Variants in ACOX3 observed in about 807,000 individuals in gnomAD.
ACOX3 encodes the protein acyl-CoA oxidase 3, pristanoyl.
A neutral mutation model predicts 81.5 loss-of-function variants in ACOX3; 73 were observed. The observed-to-expected ratio is 0.90, with a 90% CI of 0.74 to 1.09. The LOEUF is 1.09. Ranked by LOEUF, ACOX3 falls within the 50% of genes least tolerant of loss-of-function variation. The pLI, the probability that ACOX3 is intolerant of heterozygous loss-of-function variation, is 0.00. For missense variants in ACOX3, 947 were observed against 928.0 expected (o/e 1.02, Z -0.27); for synonymous variants, 387 against 375.1 (o/e 1.03, Z -0.37).
chr4:8,373,249 A>G (rs186149443), intron 16 of ACOX3, among the ~76,000 whole-genome samples: 45 of 152,038 alleles, frequency 3.0e-4, no homozygotes, highest in African/African-American at 1.1e-3. Flanking sequence ...TGATGTAGCC[A>G]TATTTTCTTG....
Position 8,375,025 on chromosome 4 carries a change from A to G in ACOX3, c.1781T>C (p.Leu594Pro). Residue 594 changes from leucine (L) to proline (P), a missense_variant, in exon 15 of 18, where the codon CTG (leucine) becomes CCG (proline). Coordinates refer to ENST00000356406, the MANE Select transcript of ACOX3 (RefSeq NM_003501.3). Reference protein sequence around the residue: ...LRAVLGRLSALYALWSLSRHA... With the variant: ...LRAVLGRLSAPYALWSLSRHA... ...GCGGCTCAGGGACCACAGGGCGTAC[A>G]GAGCACTGAGCCGCCCCAGCACGGC... 6.4e-7 allele frequency: 1 copy of G among 1,554,854 alleles called. No homozygotes were observed. Among genetic ancestry groups the G allele is most frequent in the Non-Finnish European group, 8.7e-7 (1 of 1,148,820 alleles).
chr4:8,418,877 C>T (rs1052053389), intron 1 of ACOX3, among the ~76,000 whole-genome samples: 9 of 152,088 alleles, frequency 5.9e-5, no homozygotes, highest in Admixed American at 1.3e-4. Context: ...ACAAAACAAA[C>T]AAACAACAAC....
At chr4:8,378,899 A>AC (rs140017922) in intron 14 of ACOX3, among the ~76,000 whole-genome samples, 2,686 of 152,194 alleles carry the variant, frequency 0.018, 36 homozygotes, top group African/African-American at 0.036. Context: ...CACAGCCATC[A>AC]CCCTCTCCAT....
chr4:8,380,503 T>G (rs1258920125), intron 14 of ACOX3, among the ~76,000 whole-genome samples: 16 of 152,154 alleles, frequency 1.1e-4, no homozygotes, highest in Admixed American at 1.0e-3. Flanking sequence ...CTGGGTTTCT[T>G]TGAGCTTGAC....
chr4:8,415,151 ATG>A (rs1722179993), intron 3 of ACOX3, among the ~76,000 whole-genome samples: 1 of 152,236 alleles, frequency 6.6e-6, no homozygotes, highest in Admixed American at 6.5e-5. Context: ...CCCTGAGTTC[ATG>A]TGAGTGGTAA....
chr4:8,363,181 G>C (rs941806369), downstream of ACOX3, among the ~76,000 whole-genome samples: 5 of 152,158 alleles, frequency 3.3e-5, no homozygotes, highest in African/African-American at 4.8e-5. Context: ...TTCTAATTCT[G>C]GGCACATTAG....
intron 14 of ACOX3, among the ~76,000 whole-genome samples, chr4:8,376,068 T>G (rs1264069166): frequency 6.6e-6 from 1 of 152,184 alleles, no homozygotes; most frequent in Admixed American, 6.5e-5. Flanking sequence ...AGGGCAACTC[T>G]TAGCTCTCTG....
chr4:8,399,658 G>T lies in ACOX3; in HGVS notation c.777-6C>A. 2 of 1,613,404 alleles carry T rather than the reference G, an allele frequency of 1.2e-6. No individual in the cohort carries two copies. Among genetic ancestry groups the T allele is most frequent in the Non-Finnish European group, 1.7e-6 (2 of 1,179,376 alleles). Reference sequence around the variant, plus strand: ...CCTTGTGGAACATGGCGAAACTGTGGGGAAGCAGCAGGGCTTCTGTTAAAC... The same window carrying T: ...CCTTGTGGAACATGGCGAAACTGTGTGGAAGCAGCAGGGCTTCTGTTAAAC... On this transcript the variant is annotated splice_region_variant and splice_polypyrimidine_tract_variant and intron_variant, in intron 7 of 17. Coordinates refer to ENST00000356406, the MANE Select transcript of ACOX3 (RefSeq NM_003501.3). The surrounding 1 kb of genome is among the most constrained non-coding windows in gnomAD (Gnocchi z 4.9).
chr4:8,395,467 C>T (rs536689085), intron 9 of ACOX3, among the ~76,000 whole-genome samples: 4 of 152,240 alleles, frequency 2.6e-5, no homozygotes, highest in Admixed American at 1.3e-4. Context: ...CTGAGGAAAC[C>T]GCCATCACCA....
chr4:8,436,915 C>T (rs1724272773), intron 1 of ACOX3, among the ~76,000 whole-genome samples: 1 of 146,782 alleles, frequency 6.8e-6, no homozygotes, highest in African/African-American at 2.5e-5. Context: ...TTGTGTGAAC[C>T]TGGGAGGTGG....
chr4:8,399,503 C>A lies in ACOX3; in HGVS notation c.873+53G>T, dbSNP rs1720111013. 8 of 1,484,616 alleles carry A rather than the reference C, an allele frequency of 5.4e-6. No homozygotes were observed. Among genetic ancestry groups the A allele is most frequent in the Middle Eastern group, 1.8e-4 (1 of 5,508 alleles). The allele number at this position is 1,484,616 out of a possible 1,614,324, so 92.0% of individuals were successfully genotyped here. A position where few individuals can be genotyped will look rare whatever the true frequency, so the allele number is the denominator to read the frequency against. On this transcript the variant is annotated intron_variant, in intron 8 of 17. Transcript: ENST00000356406. This position sits in a 1 kb window ranked among gnomAD's most constrained non-coding sequence, Gnocchi z 4.9. ...GGGAGGAGCACAGAGCCAGGCCCTG[C>A]AGAGGAAGGCACCTGGGAAGCACGG... is the stretch of plus-strand genomic sequence containing the variant.
Position 8,410,369 on chromosome 4 carries a change from A to G in ACOX3, c.544-14T>C. On this transcript the variant is annotated splice_polypyrimidine_tract_variant and intron_variant, in intron 5 of 17. Coordinates refer to ENST00000356406, the MANE Select transcript of ACOX3 (RefSeq NM_003501.3). ...TATGATGAATTCCTGCACAAGGGAAAATTTAGGTTAGTTATAATTAGCAAC... is the reference window on the plus strand; with the variant it reads ...TATGATGAATTCCTGCACAAGGGAAGATTTAGGTTAGTTATAATTAGCAAC... 2.5e-6 allele frequency: 4 copies of G among 1,612,402 alleles called. No individual in the cohort carries two copies. The highest frequency in any genetic ancestry group is 1.3e-5 in the African/African-American group (1 of 75,034).
At position 8,381,963 on chromosome 4, in the gene ACOX3, C is replaced by T. The variant is rs372321417; in HGVS notation, c.1538-356G>A. 1.9e-4 allele frequency among the ~76,000 whole-genome samples: 29 copies of T among 152,356 alleles called. 1 individual carries two copies. The East Asian group carries it at 5.4e-3, about 28-fold the overall frequency. ...CGCACCAGGCTCGGTCTGTGTGAAG[C>T]GTGGTGCTGCCTCCACAGCATCAGC... On this transcript the variant is annotated intron_variant, in intron 13 of 17. Coordinates refer to ENST00000356406, the MANE Select transcript of ACOX3 (RefSeq NM_003501.3). This position sits in a 1 kb window ranked among gnomAD's most constrained non-coding sequence, Gnocchi z 4.3.
rs758037745 is a variant in ACOX3 at position 8,405,980 on chromosome 4, G to GT, written c.750dup (p.Leu251ThrfsTer8). On this transcript the variant is annotated frameshift_variant, in exon 7 of 18. Coordinates refer to ENST00000356406, the MANE Select transcript of ACOX3 (RefSeq NM_003501.3). LOFTEE classifies it high-confidence loss of function. The surrounding 1 kb of genome is among the most constrained non-coding windows in gnomAD (Gnocchi z 7.1). ...CCATTATCCAGACCGTTCTGCCCGAGTTTTTTTCCTATGTCGCCAACCATC... is the reference window on the plus strand; with the variant it reads ...CCATTATCCAGACCGTTCTGCCCGAGTTTTTTTTCCTATGTCGCCAACCATC... 23 of 1,614,034 alleles carry GT rather than the reference G, an allele frequency of 1.4e-5. No homozygotes were observed. The highest frequency in any genetic ancestry group is 6.7e-5 in the Admixed American group (4 of 60,006).
At chr4:8,412,405 T>C (rs993041699) in intron 5 of ACOX3, among the ~76,000 whole-genome samples, 1 of 149,938 alleles carries the variant, frequency 6.7e-6, no homozygotes, top group Non-Finnish European at 1.5e-5. Context: ...AATGAATGGA[T>C]GGATGAAAGA....
At chr4:8,371,633 T>A (rs1716209755) in intron 16 of ACOX3, among the ~76,000 whole-genome samples, 1 of 152,228 alleles carries the variant, frequency 6.6e-6, no homozygotes, top group African/African-American at 2.4e-5. Flanking sequence ...TCAAAGGCAA[T>A]CAGTCAGTAC....
chr4:8,359,505 A>T, the ACOX3 span, among the ~76,000 whole-genome samples: 2 of 152,198 alleles, frequency 1.3e-5, no homozygotes, highest in Non-Finnish European at 2.9e-5. This position sits in a 1 kb window ranked among gnomAD's most constrained non-coding sequence, Gnocchi z 6.0. Flanking sequence ...GGCTAAGAGC[A>T]GGTTTGGCAC....
chr4:8,379,958 CTT>C, intron 14 of ACOX3, among the ~76,000 whole-genome samples: 1 of 151,946 alleles, frequency 6.6e-6, no homozygotes, highest in East Asian at 2.0e-4. Flanking sequence ...CCTATTCCAC[CTT>C]AACGCAAGGA....
chr4:8,386,056 A>G lies in ACOX3; in HGVS notation c.1537+3117T>C, dbSNP rs1718256952. Reference sequence around the variant, plus strand: ...ACTTTGGTGTCTTTCCTGATGATGGAGAGACTGTAAAATTGCTTTTGCTTT... The same window carrying G: ...ACTTTGGTGTCTTTCCTGATGATGGGGAGACTGTAAAATTGCTTTTGCTTT... On this transcript the variant is annotated intron_variant, in intron 13 of 17. Coordinates refer to ENST00000356406, the MANE Select transcript of ACOX3 (RefSeq NM_003501.3). This position sits in a 1 kb window ranked among gnomAD's most constrained non-coding sequence, Gnocchi z 5.2. Among the ~76,000 whole-genome samples, 1 of 152,180 alleles carries G rather than the reference A, an allele frequency of 6.6e-6. No homozygotes were observed. Among genetic ancestry groups the G allele is most frequent in the Non-Finnish European group, 1.5e-5 (1 of 68,036 alleles).
Sources: gnomAD v4.1 joint callset for allele counts (sites outside exome capture counted in the v4.1 genomes callset) on GRCh38, gnomAD v4.1.1 for gene constraint, Gnocchi (gnomAD v3.1) non-coding constraint, MANE v1.5 for transcripts, NCBI Gene and HGNC (gene_info 2026-07-23, HGNC 2026-07-21) for gene names.